The following EEF1A2 variants were observed in gnomAD, a reference collection of about 807,000 sequenced individuals.
The protein encoded by EEF1A2 is elongation factor 1-alpha 2.
In EEF1A2, 5 loss-of-function variants were observed where a neutral mutation model predicts 39.3. The ratio of observed to expected loss-of-function variants is 0.13; its 90% CI spans 0.07 to 0.27. EEF1A2 has a LOEUF of 0.27. Among genes scored for constraint, EEF1A2 ranks in the 10% least tolerant of loss-of-function variants. The pLI is 1.00. For missense variants in EEF1A2, 218 were observed against 681.4 expected (o/e 0.32, Z 7.57); for synonymous variants, 287 against 293.7 (o/e 0.98, Z 0.23).
chr20:63,495,676 C>T (rs1466839212), intron 3 of EEF1A2, among the ~76,000 whole-genome samples, 180 bp downstream of exon 3: 3 of 152,226 alleles, frequency 2.0e-5, no homozygotes. Context: ...TGCCAGAGCA[C>T]TGGATTCATC....
At chr20:63,489,608 C>T (rs765205750) in intron 6 of EEF1A2, among the ~76,000 whole-genome samples, 34 of 152,048 alleles carry the variant, frequency 2.2e-4, no homozygotes, top group Non-Finnish European at 4.0e-4. Flanking sequence ...CATGGTGAAA[C>T]CCCGTATCTA....
Position 63,497,462 on chromosome 20 carries a change from A to T in EEF1A2, c.144+158T>A. ...CCTAAGAGAGAGGCTGCCCCACCAG[A>T]CCCTCTGAGGCCTGAGTGCCCCACA... On this transcript the variant is annotated intron_variant, in intron 2 of 7. Coordinates refer to ENST00000217182, the MANE Select transcript of EEF1A2 (RefSeq NM_001958.5). This position sits in a 1 kb window ranked among gnomAD's most constrained non-coding sequence, Gnocchi z 7.3. 1 of 1,183,486 alleles carries T rather than the reference A, an allele frequency of 8.4e-7. No individual in the cohort carries two copies. The highest frequency in any genetic ancestry group is 1.2e-6 in the Non-Finnish European group (1 of 865,676). 73.3% of individuals were successfully genotyped at this position (1,183,486 alleles called of 1,614,324 possible). A position where few individuals can be genotyped will look rare whatever the true frequency, so the allele number is the denominator to read the frequency against.
rs560869358 is a variant in EEF1A2, at chr20:63,496,124, G to A, written c.145-89C>T. ...AGCTGCTTGTTACAGCAGAGTGGCC[G>A]CGAGAGGCGGGAGATGGGCTCCAGC... On this transcript the variant is annotated intron_variant, in intron 2 of 7. Transcript: ENST00000217182. 2.3e-5 allele frequency: 34 copies of A among 1,482,404 alleles called. No individual in the cohort carries two copies. In the African/African-American group the frequency reaches 2.8e-4, roughly 12 times the overall value. The allele number at this position is 1,482,404 out of a possible 1,614,324, so 91.8% of individuals were successfully genotyped here.
chr20:63,491,942 A>AAG (rs2082383732), intron 5 of EEF1A2, among the ~76,000 whole-genome samples: 1 of 112,050 alleles, frequency 8.9e-6, no homozygotes, highest in African/African-American at 3.6e-5. Flanking sequence ...GGATGGATGG[A>AAG]CGGACGGATG....
chr20:63,489,086 C>T lies in EEF1A2; in HGVS notation c.1096G>A (p.Ala366Thr), dbSNP rs1450196882. The change falls in exon 7 of 8, where the codon GCC becomes ACC. Residue 366 changes from alanine to threonine, a missense_variant. Around this residue, in one of 4 missense-constraint regions of EEF1A2, gnomAD observed 80 missense variants for 295.9 expected, o/e 0.27. Transcript: ENST00000217182. The part of the protein sequence containing the change: ...GYSPVIDCHT[A>T]HIACKFAELK... ...TCCGCAAACTTGCAGGCGATGTGGG[C>T]TGTGTGGCAGTCGATGACCGGGGAG... 6.2e-7 allele frequency: 1 copy of T among 1,612,788 alleles called. No homozygotes were observed.
At position 63,498,952 on chromosome 20, in the gene EEF1A2, GGCGGGT is replaced by G; in HGVS notation, c.-72+100_-72+105del. The stretch of plus-strand genomic sequence containing the variant: ...AAGCCGGACTCCGGGCGCGCGCGGG[GGCGGGT>G]GCGGGGCCCGGCCACCCTCTGCCCC... On this transcript the variant is annotated intron_variant, in intron 1 of 7. Transcript: ENST00000217182. This position sits in a 1 kb window ranked among gnomAD's most constrained non-coding sequence, Gnocchi z 4.1. 6.7e-6 allele frequency: 1 copy of G among 148,862 alleles called. No individual in the cohort carries two copies. Among genetic ancestry groups the G allele is most frequent in the East Asian group, 2.0e-4 (1 of 5,084 alleles). 9.2% of individuals were successfully genotyped at this position (148,862 alleles called of 1,614,324 possible).
chr20:63,490,142 A>ACTGCAACCTCCGCCTCC (rs1184465415), intron 6 of EEF1A2: 2 of 222,876 alleles, frequency 9.0e-6, no homozygotes, highest in African/African-American at 4.5e-5. Flanking sequence ...ATCTCGGCTC[A>ACTGCAACCTCCGCCTCC]CTGCAACCTC....
Position 63,495,916 on chromosome 20 carries a change from G to A in EEF1A2, c.264C>T (p.Thr88=). 1 of 1,613,384 alleles carries A rather than the reference G, an allele frequency of 6.2e-7. No individual in the cohort carries two copies. The highest frequency in any genetic ancestry group is 8.5e-7 in the Non-Finnish European group (1 of 1,179,946). ...WKFETTKYYI[T]IIDAPGHRDF... is the part of the protein sequence containing the mutation. ...CGCGGTGGCCGGGGGCATCGATGAT[G>A]GTGATGTAGTACTTGGTGGTCTCGA... Residue 88 remains threonine (T), a synonymous_variant, in exon 3 of 8, where the codon ACC becomes ACT. Coordinates refer to ENST00000217182, the MANE Select transcript of EEF1A2 (RefSeq NM_001958.5).
At chr20:63,488,570 G>T in intron 7 of EEF1A2, 145 bp from the exon 8 acceptor site, 2 of 1,143,538 alleles carry the variant, frequency 1.7e-6, no homozygotes, top group Non-Finnish European at 2.3e-6. Context: ...GAAGACGGCC[G>T]GCCTCGCGGG....
chr20:63,491,906 A>ATGGG (rs1568995619), intron 5 of EEF1A2, among the ~76,000 whole-genome samples: 2 of 101,918 alleles, frequency 2.0e-5, no homozygotes, highest in East Asian at 7.3e-4. Flanking sequence ...GGATGGATGG[A>ATGGG]TGGATGGGGG....
rs191355335 is a variant in EEF1A2, at chr20:63,497,274, C to T, written c.144+346G>A. Reference sequence around the variant, plus strand: ...AAGTGAGGGCAGTACCATCTCCAGCCCCAGCCTTGGCCCTGGGGGGAAGGG... The same window carrying T: ...AAGTGAGGGCAGTACCATCTCCAGCTCCAGCCTTGGCCCTGGGGGGAAGGG... On this transcript the variant is annotated intron_variant, in intron 2 of 7. Coordinates refer to ENST00000217182, the MANE Select transcript of EEF1A2 (RefSeq NM_001958.5). This position sits in a 1 kb window ranked among gnomAD's most constrained non-coding sequence, Gnocchi z 7.3. The T allele has an allele frequency of 1.1e-3, 260 of 226,340 alleles. No homozygotes were observed. Among genetic ancestry groups the T allele is most frequent in the African/African-American group, 4.9e-3 (216 of 43,738 alleles). 14.0% of individuals were successfully genotyped at this position (226,340 alleles called of 1,614,324 possible).
At position 63,497,335 on chromosome 20, in the gene EEF1A2, A is replaced by T. The variant is rs1013564698; in HGVS notation, c.144+285T>A. 1 of 341,466 alleles carries T rather than the reference A, an allele frequency of 2.9e-6. No individual in the cohort carries two copies. Among genetic ancestry groups the T allele is most frequent in the Admixed American group, 4.6e-5 (1 of 21,668 alleles). The allele number at this position is 341,466 out of a possible 1,614,324, so 21.2% of individuals were successfully genotyped here. The stretch of plus-strand genomic sequence containing the variant: ...CAGCGCCCTCCAGCCCCAGCTCAAC[A>T]TGGCAGAGTTCCAGAGCCTTCTGCA... On this transcript the variant is annotated intron_variant, in intron 2 of 7. Transcript: ENST00000217182. The surrounding 1 kb of genome is among the most constrained non-coding windows in gnomAD (Gnocchi z 7.3).
In EEF1A2 at chr20:63,490,599, C is replaced by T; in HGVS notation, c.909G>A (p.Leu303=). ...CATTGAAGCCGACGTTGTCGCCGGG[C>T]AGAGCTTCGCTCAGAGCCTCGTGGT... ...EMHHEALSEA[L]PGDNVGFNVK... is the part of the protein sequence containing the mutation. The change falls in exon 6 of 8, where the codon CTG becomes CTA. Residue 303 remains leucine, a synonymous_variant. Transcript: ENST00000217182. The T allele has an allele frequency of 6.2e-7, 1 of 1,612,810 alleles. No homozygotes were observed. Among genetic ancestry groups the T allele is most frequent in the Non-Finnish European group, 8.5e-7 (1 of 1,179,966 alleles).
intron 3 of EEF1A2, 36 bp downstream of exon 3, chr20:63,495,820 C>T: frequency 1.9e-6 from 3 of 1,607,350 alleles, no homozygotes; most frequent in Non-Finnish European, 2.5e-6. Flanking sequence ...GGTGCAGCGG[C>T]CTCTCCCCCA....
rs561671132 is a variant in EEF1A2 at position 63,490,691 on chromosome 20, G to T, written c.817C>A (p.Arg273=). The change falls in exon 6 of 8, where the codon CGG becomes AGG. Residue 273 remains arginine (R), a synonymous_variant. Coordinates refer to ENST00000217182, the MANE Select transcript of EEF1A2 (RefSeq NM_001958.5). The part of the protein sequence containing the change: ...PVGRVETGIL[R]PGMVVTFAPV... ...GCAAAGGTCACCACCATGCCCGGCCGCAGGATGCCGGTCTCCACCCGGCCC... is the reference window on the plus strand; with the variant it reads ...GCAAAGGTCACCACCATGCCCGGCCTCAGGATGCCGGTCTCCACCCGGCCC... The T allele has an allele frequency of 6.2e-7, 1 of 1,608,380 alleles. No homozygotes were observed. Among genetic ancestry groups the T allele is most frequent in the Admixed American group, 1.7e-5 (1 of 60,010 alleles).
intron 4 of EEF1A2, 22 bp downstream of exon 4, chr20:63,494,783 C>A (rs929019358): frequency 4.4e-6 from 7 of 1,599,276 alleles, no homozygotes; most frequent in Non-Finnish European, 5.1e-6. Context: ...CCGTGGCCCG[C>A]CCCGCCCTAG....
chr20:63,495,746 T>C, intron 3 of EEF1A2, 110 bp downstream of exon 3: 1 of 1,420,448 alleles, frequency 7.0e-7, no homozygotes, highest in Non-Finnish European at 9.4e-7. Flanking sequence ...TCCCCTGCCC[T>C]CACAGGAAGC....
chr20:63,488,806 C>T, intron 7 of EEF1A2, 112 bp downstream of exon 7: 1 of 1,199,456 alleles, frequency 8.3e-7, no homozygotes, highest in Non-Finnish European at 1.2e-6. Context: ...CCAAGCTCCG[C>T]AGGAAAGGGG....
chr20:63,488,487 G>T, intron 7 of EEF1A2, 62 bp from the exon 8 acceptor site: 1 of 1,330,112 alleles, frequency 7.5e-7, no homozygotes, highest in Non-Finnish European at 9.6e-7. Context: ...CAACCCCAGG[G>T]CTCTGGCCGG....
Sources: gnomAD v4.1 joint callset for allele counts (sites outside exome capture counted in the v4.1 genomes callset) on GRCh38, gnomAD v4.1.1 for gene constraint, gnomAD v4.1.1 regional missense constraint, Gnocchi (gnomAD v3.1) non-coding constraint, MANE v1.5 for transcripts, NCBI Gene and HGNC (gene_info 2026-07-23, HGNC 2026-07-21) for gene names.